Variants in UGT1A10 observed in about 807,000 individuals in gnomAD.
The protein encoded by UGT1A10 is UDP glucuronosyltransferase family 1 member A10.
Under a neutral mutation model 45.8 loss-of-function variants are expected in UGT1A10, and 49 were observed. The ratio of observed to expected loss-of-function variants is 1.07; its 90% CI spans 0.85 to 1.36. UGT1A10 has a LOEUF of 1.36. Among genes scored for constraint, UGT1A10 ranks in the 40% most tolerant of loss-of-function variants. UGT1A10 has a pLI of 0.00. For synonymous variants in UGT1A10, 284 were observed against 249.7 expected (o/e 1.14, Z -1.29); for missense variants, 745 against 668.6 (o/e 1.11, Z -1.26).
In UGT1A10 at chr2:233,636,955, G is replaced by C; in HGVS notation, c.433G>C (p.Val145Leu). The change falls in exon 1 of 5, where the codon GTG becomes CTG. Residue 145 changes from valine (V) to leucine (L), a missense_variant. Physicochemically the swap from Val to Leu is conservative, Grantham distance 32 (BLOSUM62 1). Transcript: ENST00000344644. ...CTTAAAGGAGAGTTCTTTTGATGCAGTGTTTCTGGATCCTTTTGATACCTG... is the reference window on the plus strand; with the variant it reads ...CTTAAAGGAGAGTTCTTTTGATGCACTGTTTCTGGATCCTTTTGATACCTG... ...EYLKESSFDAVFLDPFDTCGL... is the reference protein window; with the variant it reads ...EYLKESSFDALFLDPFDTCGL... 1 of 1,614,130 alleles carries C rather than the reference G, an allele frequency of 6.2e-7. No homozygotes were observed. Among genetic ancestry groups the C allele is most frequent in the South Asian group, 1.1e-5 (1 of 91,078 alleles).
chr2:233,747,775 C>G (rs1325525681), intron 1 of UGT1A10: 1 of 1,613,320 alleles, frequency 6.2e-7, no homozygotes, highest in Non-Finnish European at 8.5e-7. Context: ...ACACAGTGTC[C>G]AAATCCTTCC....
At chr2:233,669,956 A>G (rs1284089141) in intron 1 of UGT1A10, among the ~76,000 whole-genome samples, 1 of 152,144 alleles carries the variant, frequency 6.6e-6, no homozygotes, top group Admixed American at 6.5e-5. Flanking sequence ...AAGTGCTGGG[A>G]CTACAGGTGT....
rs1105880 is a variant in UGT1A10, at chr2:233,693,319, A to G, written c.855+55942A>G. 0.35 allele frequency: 562,647 copies of G among 1,613,864 alleles called. 100,186 individuals are homozygous for G. Among genetic ancestry groups the G allele is most frequent in the South Asian group, 0.44 (40,333 of 91,054 alleles). Reference sequence around the variant, plus strand: ...ATCACTTTGCTGAGCGATCATTCCTAACTGCTCCTCAGACAGAGTACAGGA... The same window carrying G: ...ATCACTTTGCTGAGCGATCATTCCTGACTGCTCCTCAGACAGAGTACAGGA... On this transcript the variant is annotated intron_variant, in intron 1 of 4. Coordinates refer to ENST00000344644, the MANE Select transcript of UGT1A10 (RefSeq NM_019075.4).
chr2:233,717,701 A>G (rs1201448536), intron 1 of UGT1A10: 4 of 447,022 alleles, frequency 8.9e-6, no homozygotes, highest in Non-Finnish European at 1.8e-5. Context: ...TTTCTGGAGC[A>G]GGACGAGCCT....
intron 1 of UGT1A10, chr2:233,712,998 A>G: frequency 6.2e-7 from 1 of 1,613,488 alleles, no homozygotes; most frequent in Non-Finnish European, 8.5e-7. Context: ...TGAGATGGCC[A>G]CAGGACTCCA....
rs188337732 is a variant in UGT1A10 at position 233,682,451 on chromosome 2, A to G, written c.855+45074A>G. 3.7e-6 allele frequency: 6 copies of G among 1,613,876 alleles called. No homozygotes were observed. The Admixed American group carries it at 6.7e-5, about 18-fold the overall frequency. ...CCCCTCTGTGGTCTTCGCCAGGGGA[A>G]TATTTTGCCACTATCTTGAAGAAGG... On this transcript the variant is annotated intron_variant, in intron 1 of 4. Transcript: ENST00000344644.
intron 1 of UGT1A10, among the ~76,000 whole-genome samples, chr2:233,686,447 C>T (rs759109089): frequency 5.9e-5 from 9 of 152,118 alleles, no homozygotes; most frequent in Non-Finnish European, 1.3e-4. Flanking sequence ...TGGAGGCTCT[C>T]CCATGAAACA....
rs2073359336 is a variant in UGT1A10, at chr2:233,638,363, A to G, written c.855+986A>G. Reference sequence around the variant, plus strand: ...GTAATTAAAATTTTGGTTTTTGCATATGTATCTTGTATCCAGCCACATCAC... The same window carrying G: ...GTAATTAAAATTTTGGTTTTTGCATGTGTATCTTGTATCCAGCCACATCAC... On this transcript the variant is annotated intron_variant, in intron 1 of 4. Transcript: ENST00000344644. 2.0e-5 allele frequency among the ~76,000 whole-genome samples: 3 copies of G among 152,200 alleles called. No homozygotes were observed. The South Asian group carries it at 6.2e-4, about 31-fold the overall frequency.
intron 1 of UGT1A10, among the ~76,000 whole-genome samples, chr2:233,662,842 G>T: frequency 6.9e-6 from 1 of 144,730 alleles, no homozygotes; most frequent in Admixed American, 6.9e-5. Flanking sequence ...TGTCAGATAT[G>T]AATTTTGGAC....
At chr2:233,686,017 T>C (rs1241753278) in intron 1 of UGT1A10, among the ~76,000 whole-genome samples, 1 of 152,202 alleles carries the variant, frequency 6.6e-6, no homozygotes. Flanking sequence ...TTGATTTTCA[T>C]CATGGTGCCA....
intron 1 of UGT1A10, chr2:233,682,263 TAAC>T: frequency 6.2e-7 from 1 of 1,614,216 alleles, no homozygotes; most frequent in South Asian, 1.1e-5. Flanking sequence ...TTTTCTCTAT[TAAC>T]AAGTTCATCC....
intron 1 of UGT1A10, among the ~76,000 whole-genome samples, chr2:233,674,906 A>G (rs1197331461): frequency 6.6e-6 from 1 of 152,216 alleles, no homozygotes; most frequent in Non-Finnish European, 1.5e-5. Context: ...TCCTTGTTTC[A>G]GATGCCAGGA....
In UGT1A10 at chr2:233,680,430, G is replaced by A. The variant is rs1470427697; in HGVS notation, c.855+43053G>A. Among the ~76,000 whole-genome samples the A allele has an allele frequency of 2.0e-5, 3 of 152,186 alleles. No homozygotes were observed. The East Asian group carries it at 5.8e-4, about 29-fold the overall frequency. ...CAAAATTATTATAGTAGTGTAGTAT[G>A]TACTAGAGGAAAGTGACTAAGCAAA... On this transcript the variant is annotated intron_variant, in intron 1 of 4. Transcript: ENST00000344644.
At position 233,768,249 on chromosome 2, in the gene UGT1A10, C is replaced by T. The variant is rs1699594140; in HGVS notation, c.1105C>T (p.His369Tyr). ...CCCGATGACCCGTGCCTTTATCACC[C>T]ATGCTGGTTCCCATGGTGTTTATGA... Reference protein sequence around the residue: ...GHPMTRAFITHAGSHGVYESI... With the variant: ...GHPMTRAFITYAGSHGVYESI... Residue 369 changes from histidine to tyrosine, a missense_variant, in exon 4 of 5, where the codon CAT (histidine) becomes TAT (tyrosine). His to Tyr is a moderately conservative substitution (Grantham distance 83). Transcript: ENST00000344644. The T allele has an allele frequency of 6.2e-7, 1 of 1,614,198 alleles. No homozygotes were observed. The highest frequency in any genetic ancestry group is 8.5e-7 in the Non-Finnish European group (1 of 1,180,036).
intron 1 of UGT1A10, among the ~76,000 whole-genome samples, chr2:233,702,307 C>A (rs2075680349): frequency 6.6e-6 from 1 of 152,052 alleles, no homozygotes; most frequent in Non-Finnish European, 1.5e-5. Flanking sequence ...GTATATTGAT[C>A]TTGTACTTCA....
chr2:233,704,589 A>G (rs2075798846), intron 1 of UGT1A10, among the ~76,000 whole-genome samples: 1 of 152,206 alleles, frequency 6.6e-6, no homozygotes. Flanking sequence ...ATCAGAGAGA[A>G]GAAAGAAGAG....
chr2:233,682,730 GT>G (rs1559340015), intron 1 of UGT1A10: 1 of 1,613,822 alleles, frequency 6.2e-7, no homozygotes, highest in Admixed American at 1.7e-5. Flanking sequence ...TCCCAAACCC[GT>G]GATGCCCAAT....
chr2:233,653,131 T>C (rs112677498), intron 1 of UGT1A10, among the ~76,000 whole-genome samples: 1 of 152,310 alleles, frequency 6.6e-6, no homozygotes, highest in East Asian at 1.9e-4. Flanking sequence ...AAATCCTGAA[T>C]GTTAAGAGCC....
chr2:233,738,076 A>C (rs17862873), intron 1 of UGT1A10, among the ~76,000 whole-genome samples: 29,204 of 152,030 alleles, frequency 0.19, 3,596 homozygotes, highest in South Asian at 0.3. Context: ...CCCACCTCCT[A>C]ATCTCATCAT....
Sources: gnomAD v4.1 joint callset for allele counts (sites outside exome capture counted in the v4.1 genomes callset) on GRCh38, gnomAD v4.1.1 for gene constraint, MANE v1.5 for transcripts, NCBI Gene and HGNC (gene_info 2026-07-23, HGNC 2026-07-21) for gene names.